Variants in CCSER1 observed in about 807,000 individuals in gnomAD.
CCSER1 encodes the protein serine-rich coiled-coil domain-containing protein 1.
In CCSER1, 41 loss-of-function variants were observed where a neutral mutation model predicts 82.0. The observed-to-expected ratio is 0.50, with a 90% CI of 0.39 to 0.65. The LOEUF (loss-of-function observed/expected upper bound fraction) is 0.65. Among genes scored for constraint, CCSER1 ranks in the 30% least tolerant of loss-of-function variants. The pLI is 0.00. For missense variants in CCSER1, 1,119 were observed against 1,064.2 expected (o/e 1.05, Z -0.72); for synonymous variants, 414 against 383.9 (o/e 1.08, Z -0.92).
intron 8 of CCSER1, among the ~76,000 whole-genome samples, chr4:90,874,696 T>G (rs571001832): frequency 6.6e-6 from 1 of 152,310 alleles, no homozygotes; most frequent in Admixed American, 6.5e-5. Flanking sequence ...ACTAATCCCT[T>G]GTTTTCTTCT....
chr4:90,249,436 T>C (rs1325567614), intron 1 of CCSER1, among the ~76,000 whole-genome samples: 1 of 152,256 alleles, frequency 6.6e-6, no homozygotes, highest in Admixed American at 6.5e-5. Flanking sequence ...AGAGTAAATT[T>C]TAAACCATTT....
chr4:91,522,491 C>A (rs968987128), intron 10 of CCSER1, among the ~76,000 whole-genome samples: 4 of 152,182 alleles, frequency 2.6e-5, no homozygotes, highest in Non-Finnish European at 5.9e-5. Context: ...GATATTGATT[C>A]TTCCTATCCA....
chr4:90,431,985 C>T (rs1168060991), intron 4 of CCSER1, among the ~76,000 whole-genome samples: 1 of 152,076 alleles, frequency 6.6e-6, no homozygotes, highest in Non-Finnish European at 1.5e-5. Flanking sequence ...ATTGGTGACT[C>T]TGCTGCACGG....
chr4:90,775,314 C>G (rs1752752138), intron 7 of CCSER1, among the ~76,000 whole-genome samples: 1 of 152,080 alleles, frequency 6.6e-6, no homozygotes, highest in African/African-American at 2.4e-5. Flanking sequence ...TCTTCTACAG[C>G]TTTGTGAGGT....
intron 4 of CCSER1, among the ~76,000 whole-genome samples, chr4:90,457,162 G>A (rs1237511572): frequency 6.6e-6 from 1 of 152,150 alleles, no homozygotes; most frequent in Non-Finnish European, 1.5e-5. Flanking sequence ...GGCTGGACCA[G>A]GTGTACCGCA....
chr4:91,262,744 C>A (rs990200389), intron 10 of CCSER1, among the ~76,000 whole-genome samples: 1 of 151,448 alleles, frequency 6.6e-6, no homozygotes. Flanking sequence ...CTGAATAGGA[C>A]AATACTGAAG....
chr4:90,597,918 C>T (rs1783536475), intron 5 of CCSER1, among the ~76,000 whole-genome samples: 1 of 152,168 alleles, frequency 6.6e-6, no homozygotes, highest in South Asian at 2.1e-4. Flanking sequence ...TGGTTTATTT[C>T]ACTTAACGTA....
intron 4 of CCSER1, among the ~76,000 whole-genome samples, chr4:90,425,095 T>C (rs1037749664): frequency 2.0e-5 from 3 of 152,228 alleles, no homozygotes; most frequent in Non-Finnish European, 4.4e-5. Context: ...ATTAGTGCCA[T>C]CTTTGTTGTT....
intron 9 of CCSER1, among the ~76,000 whole-genome samples, chr4:90,985,567 G>A (rs1736512496): frequency 6.6e-6 from 1 of 151,620 alleles, no homozygotes; most frequent in African/African-American, 2.4e-5. Context: ...CTTCAGCTCT[G>A]TTATCTGCCA....
rs1032191835 is a variant in CCSER1, at chr4:91,036,556, T to A, written c.2173-49394T>A. 5.9e-5 allele frequency among the ~76,000 whole-genome samples: 9 copies of A among 152,228 alleles called. No individual in the cohort carries two copies. In the East Asian group the frequency reaches 1.2e-3, roughly 20 times the overall value. ...CATTTGTTCAAGACAGAAACCACGA[T>A]CCTAAATTTGTGTCATTCCACCTTC... On this transcript the variant is annotated intron_variant, in intron 9 of 10. Coordinates refer to ENST00000509176, the MANE Select transcript of CCSER1 (RefSeq NM_001145065.2).
chr4:90,919,287 T>C (rs1031181312), intron 8 of CCSER1, among the ~76,000 whole-genome samples: 2 of 151,904 alleles, frequency 1.3e-5, no homozygotes, highest in Admixed American at 6.6e-5. Context: ...AAAAGAGTTA[T>C]AGTATCTTTG....
chr4:90,528,173 A>C (rs530277615), intron 5 of CCSER1, among the ~76,000 whole-genome samples: 3 of 152,222 alleles, frequency 2.0e-5, no homozygotes, highest in Non-Finnish European at 4.4e-5. Flanking sequence ...ATGAAAATAT[A>C]CATTTTGAGA....
intron 10 of CCSER1, among the ~76,000 whole-genome samples, chr4:91,205,671 A>T (rs1736285334): frequency 7.5e-6 from 1 of 133,250 alleles, no homozygotes; most frequent in African/African-American, 2.8e-5. Flanking sequence ...CCTCCCTCCT[A>T]CCCTCCCTTC....
chr4:90,929,509 T>A (rs1475074083), intron 9 of CCSER1, among the ~76,000 whole-genome samples: 1 of 152,182 alleles, frequency 6.6e-6, no homozygotes, highest in African/African-American at 2.4e-5. Flanking sequence ...AATGATTCTT[T>A]TTAAAATCTT....
intron 7 of CCSER1, among the ~76,000 whole-genome samples, chr4:90,806,447 T>C (rs1757522927): frequency 6.6e-6 from 1 of 152,204 alleles, no homozygotes; most frequent in Non-Finnish European, 1.5e-5. Flanking sequence ...TTAAACTATT[T>C]AATTAACAAA....
At chr4:91,082,621 G>A (rs1429942408) in intron 9 of CCSER1, among the ~76,000 whole-genome samples, 2 of 152,078 alleles carry the variant, frequency 1.3e-5, no homozygotes, top group Non-Finnish European at 2.9e-5. Context: ...GAGTGAATAG[G>A]CAACCTACAG....
At chr4:90,525,344 T>C (rs1006199793) in intron 5 of CCSER1, among the ~76,000 whole-genome samples, 2 of 152,172 alleles carry the variant, frequency 1.3e-5, no homozygotes, top group Non-Finnish European at 2.9e-5. Context: ...TTTTCTTTTA[T>C]AATTTCTGTC....
At chr4:90,741,711 T>A (rs1453177860) in intron 7 of CCSER1, among the ~76,000 whole-genome samples, 1 of 152,244 alleles carries the variant, frequency 6.6e-6, no homozygotes, top group African/African-American at 2.4e-5. Context: ...AGTTTACCTA[T>A]AAGTGTGAAC....
intron 10 of CCSER1, among the ~76,000 whole-genome samples, chr4:91,582,587 A>G (rs892069965): frequency 6.6e-6 from 1 of 151,582 alleles, no homozygotes. Context: ...TGTAGGAGTC[A>G]GATTTAACTA....
Sources: allele counts gnomAD v4.1 joint callset (sites outside exome capture counted in the v4.1 genomes callset), GRCh38; gene constraint gnomAD v4.1.1; transcripts MANE v1.5; gene names NCBI Gene and HGNC (gene_info 2026-07-23, HGNC 2026-07-21).